The following FBXO41 variants were observed in gnomAD, a reference collection of about 807,000 sequenced individuals.
The protein encoded by FBXO41 is F-box protein 41.
FBXO41 carries 33 observed loss-of-function variants against 81.6 expected under a neutral mutation model. That is an observed-to-expected ratio of 0.40 (90% CI 0.31 to 0.54). The LOEUF (loss-of-function observed/expected upper bound fraction) is 0.54. Ranked by LOEUF, FBXO41 falls within the 20% of genes least tolerant of loss-of-function variation. FBXO41 has a pLI of 0.39. For synonymous variants in FBXO41, 576 were observed against 552.7 expected (o/e 1.04, Z -0.59); for missense variants, 1,107 against 1,236.0 (o/e 0.90, Z 1.56).
Position 73,260,292 on chromosome 2 carries a change from T to G in FBXO41, c.2449+97A>C, listed in dbSNP as rs1223340417. 1 of 1,467,880 alleles carries G rather than the reference T, an allele frequency of 6.8e-7. No homozygotes were observed. The highest frequency in any genetic ancestry group is 1.3e-5 in the South Asian group (1 of 75,034). 90.9% of individuals were successfully genotyped at this position (1,467,880 alleles called of 1,614,324 possible). On this transcript the variant is annotated intron_variant, in intron 11 of 12. Coordinates refer to ENST00000520530, the MANE Select transcript of FBXO41 (RefSeq NM_001371389.2). This position sits in a 1 kb window ranked among gnomAD's most constrained non-coding sequence, Gnocchi z 5.0. ...CCTGCCTCTGCCCTTGGCTGGAGAC[T>G]CTGATCCATCTGCCCCAGTGATAGT...
chr2:73,263,831 C>G lies in FBXO41; in HGVS notation c.1923-1G>C. On this transcript the variant is annotated splice_acceptor_variant, in intron 7 of 12. Transcript: ENST00000520530. LOFTEE classifies it high-confidence loss of function. ...CTCCAGCCCAGCTTCCAGGCAGCCCCTGGGGATGACCAAGAGGTCAGAGAG... is the reference window on the plus strand; with the variant it reads ...CTCCAGCCCAGCTTCCAGGCAGCCCGTGGGGATGACCAAGAGGTCAGAGAG... 6.2e-7 allele frequency: 1 copy of G among 1,614,048 alleles called. No individual in the cohort carries two copies. Among genetic ancestry groups the G allele is most frequent in the Non-Finnish European group, 8.5e-7 (1 of 1,179,888 alleles).
rs1404694271 is a variant in FBXO41, at chr2:73,265,498, C to A, written c.1348G>T (p.Gly450Cys). 3 of 1,597,620 alleles carry A rather than the reference C, an allele frequency of 1.9e-6. No individual in the cohort carries two copies. Among genetic ancestry groups the A allele is most frequent in the Non-Finnish European group, 1.7e-6 (2 of 1,175,204 alleles). Residue 450 changes from glycine (G) to cysteine (C), a missense_variant, in exon 5 of 13, where the codon GGC becomes TGC. Gly to Cys is a radical substitution (Grantham distance 159). This residue lies in a region of FBXO41 where 771 missense variants were observed against 789.2 expected (regional missense o/e 0.98). Coordinates refer to ENST00000520530, the MANE Select transcript of FBXO41 (RefSeq NM_001371389.2). Reference sequence around the variant, plus strand: ...CGAGGGGGCTGGGACCGCTCTGAGCCCCCGTTGGCAGCCTGGGCCCGTGTG... The same window carrying A: ...CGAGGGGGCTGGGACCGCTCTGAGCACCCGTTGGCAGCCTGGGCCCGTGTG... ...LGTRAQAANGGSERSQPPRSS... is the reference protein window; with the variant it reads ...LGTRAQAANGCSERSQPPRSS...
At chr2:73,280,466 G>A (rs1688814683) in intron 1 of FBXO41, among the ~76,000 whole-genome samples, 1 of 152,200 alleles carries the variant, frequency 6.6e-6, no homozygotes, top group Non-Finnish European at 1.5e-5. Context: ...CCTCAAGACT[G>A]GCTGGAATCT....
chr2:73,260,701 T>C lies in FBXO41; in HGVS notation c.2290+39A>G. On this transcript the variant is annotated intron_variant, in intron 10 of 12. Transcript: ENST00000520530. This position sits in a 1 kb window ranked among gnomAD's most constrained non-coding sequence, Gnocchi z 5.0. ...AAGGCAGCACTGCACCCATGCCTGCTTCCCACTACCCACCACCCCAGTCCA... is the reference window on the plus strand; with the variant it reads ...AAGGCAGCACTGCACCCATGCCTGCCTCCCACTACCCACCACCCCAGTCCA... 2 of 1,517,642 alleles carry C rather than the reference T, an allele frequency of 1.3e-6. No homozygotes were observed. The highest frequency in any genetic ancestry group is 1.8e-6 in the Non-Finnish European group (2 of 1,124,236). The allele number at this position is 1,517,642 out of a possible 1,614,324, so 94.0% of individuals were successfully genotyped here.
At chr2:73,268,040 A>G (rs958033086) in intron 2 of FBXO41, among the ~76,000 whole-genome samples, 1 of 152,220 alleles carries the variant, frequency 6.6e-6, no homozygotes, top group Non-Finnish European at 1.5e-5. Context: ...AATGAAGAAG[A>G]TTGAGACAGA....
intron 1 of FBXO41, among the ~76,000 whole-genome samples, chr2:73,283,318 C>CGAAGACCCTCAGGGGT (rs1461400361): frequency 2.0e-5 from 3 of 152,196 alleles, no homozygotes; most frequent in Non-Finnish European, 4.4e-5. Flanking sequence ...TCCAGCCTGG[C>CGAAGACCCTCAGGGGT]GAAGACCCTC....
chr2:73,265,530 C>A lies in FBXO41; in HGVS notation c.1316G>T (p.Gly439Val), dbSNP rs1373704950. The A allele has an allele frequency of 1.3e-6, 2 of 1,594,798 alleles. No homozygotes were observed. Among genetic ancestry groups the A allele is most frequent in the East Asian group, 2.3e-5 (1 of 44,440 alleles). ...GGCAGCCTGGGCCCGTGTGCCCAAG[C>A]CCCCAGGGCCACTGTCCTCAGGGGC... ...EGAPEDSGPG[G>V]LGTRAQAANG... is the part of the protein sequence containing the mutation. The change falls in exon 5 of 13, where the codon GGC (glycine) becomes GTC (valine). Residue 439 changes from glycine (G) to valine (V), a missense_variant. Gly to Val is a moderately radical substitution (Grantham distance 109, BLOSUM62 -3). Around this residue, in one of 2 missense-constraint regions of FBXO41, gnomAD observed 771 missense variants for 789.2 expected, o/e 0.98. Transcript: ENST00000520530.
Position 73,259,289 on chromosome 2 carries a change from G to A in FBXO41, c.2457C>T (p.Cys819=). The A allele has an allele frequency of 3.1e-6, 5 of 1,613,984 alleles. No homozygotes were observed. The highest frequency in any genetic ancestry group is 4.2e-6 in the Non-Finnish European group (5 of 1,179,866). The change falls in exon 12 of 13, where the codon TGC becomes TGT. Residue 819 remains cysteine (C), a synonymous_variant. Transcript: ENST00000520530. This position sits in a 1 kb window ranked among gnomAD's most constrained non-coding sequence, Gnocchi z 4.2. ...GGACCACAATGGACTTGAGGTTCCG[G>A]CAGATGCCTGAGAAAAGGTGAGCAA... ...PKALLHFNSI[C]RNLKSIVVQI... is the part of the protein sequence containing the mutation.
chr2:73,268,136 A>C (rs750419419), intron 2 of FBXO41, among the ~76,000 whole-genome samples: 96 of 152,216 alleles, frequency 6.3e-4, no homozygotes, highest in Non-Finnish European at 1.2e-3. Context: ...CAATGGGCCA[A>C]GTAAGACGAT....
chr2:73,259,052 C>T lies in FBXO41; in HGVS notation c.2566-8G>A, dbSNP rs779986017. On this transcript the variant is annotated splice_polypyrimidine_tract_variant and splice_region_variant and intron_variant, in intron 12 of 12. Transcript: ENST00000520530. The surrounding 1 kb of genome is among the most constrained non-coding windows in gnomAD (Gnocchi z 4.2). ...GGGCCTCCGTCGCAGAGCCTGCGGA[C>T]CGAACCCTGGGTTAGTTCTCCCTCC... 5 of 1,604,598 alleles carry T rather than the reference C, an allele frequency of 3.1e-6. No homozygotes were observed. In the South Asian group the frequency reaches 5.6e-5, roughly 18 times the overall value.
chr2:73,273,077 AG>A (rs1334260360), intron 1 of FBXO41: 1 of 152,100 alleles, frequency 6.6e-6, no homozygotes, highest in Non-Finnish European at 1.5e-5. Context: ...TTCAACTAGG[AG>A]GGTTTTTCTT....
At chr2:73,271,631 C>CA (rs916269141) in intron 1 of FBXO41, 1 of 147,498 alleles carries the variant, frequency 6.8e-6, no homozygotes, top group African/African-American at 2.5e-5. Flanking sequence ...ACTCCCCCCC[C>CA]CCCAACTTCT....
Position 73,259,277 on chromosome 2 carries a change from C to A in FBXO41, c.2469G>T (p.Lys823Asn). Residue 823 changes from lysine (K) to asparagine (N), a missense_variant, in exon 12 of 13, where the codon AAG becomes AAT. Lys to Asn is a moderately conservative substitution (Grantham distance 94). Transcript: ENST00000520530. The surrounding 1 kb of genome is among the most constrained non-coding windows in gnomAD (Gnocchi z 4.2). ...CAATCCCAATCTGGACCACAATGGA[C>A]TTGAGGTTCCGGCAGATGCCTGAGA... ...LHFNSICRNL[K>N]SIVVQIGIAD... 1 of 1,614,046 alleles carries A rather than the reference C, an allele frequency of 6.2e-7. No individual in the cohort carries two copies. Among genetic ancestry groups the A allele is most frequent in the South Asian group, 1.1e-5 (1 of 91,088 alleles).
In FBXO41 at chr2:73,260,710, C is replaced by T. The variant is rs1488760231; in HGVS notation, c.2290+30G>A. Reference sequence around the variant, plus strand: ...CTGCACCCATGCCTGCTTCCCACTACCCACCACCCCAGTCCAAGGAAAGAC... The same window carrying T: ...CTGCACCCATGCCTGCTTCCCACTATCCACCACCCCAGTCCAAGGAAAGAC... On this transcript the variant is annotated intron_variant, in intron 10 of 12. Coordinates refer to ENST00000520530, the MANE Select transcript of FBXO41 (RefSeq NM_001371389.2). The surrounding 1 kb of genome is among the most constrained non-coding windows in gnomAD (Gnocchi z 5.0). 1.8e-5 allele frequency: 27 copies of T among 1,522,166 alleles called. No homozygotes were observed. Among genetic ancestry groups the T allele is most frequent in the Non-Finnish European group, 2.1e-5 (24 of 1,127,152 alleles). The allele number at this position is 1,522,166 out of a possible 1,614,324, so 94.3% of individuals were successfully genotyped here.
In FBXO41 at chr2:73,266,684, T is replaced by C; in HGVS notation, c.906-2A>G. 1 of 1,575,754 alleles carries C rather than the reference T, an allele frequency of 6.3e-7. No individual in the cohort carries two copies. Among genetic ancestry groups the C allele is most frequent in the Non-Finnish European group, 8.6e-7 (1 of 1,161,526 alleles). ...AACTGGTCGATCTGCACCACCTCCC[T>C]GGGCCCAGAGCAGTCTCTTACCCCA... On this transcript the variant is annotated splice_acceptor_variant, in intron 2 of 12. Transcript: ENST00000520530. LOFTEE classifies it high-confidence loss of function. This position sits in a 1 kb window ranked among gnomAD's most constrained non-coding sequence, Gnocchi z 5.3.
chr2:73,263,387 G>A lies in FBXO41; in HGVS notation c.2076-79C>T, dbSNP rs1688090226. On this transcript the variant is annotated intron_variant, in intron 8 of 12. Coordinates refer to ENST00000520530, the MANE Select transcript of FBXO41 (RefSeq NM_001371389.2). The stretch of plus-strand genomic sequence containing the variant: ...CCCAACACTTTGGGAGGTCAAGGCC[G>A]AGGTTGGGGATCGCCTGAGCCCAGG... 14 of 1,136,914 alleles carry A rather than the reference G, an allele frequency of 1.2e-5. 1 individual carries two copies. The highest frequency in any genetic ancestry group is 8.0e-5 in the East Asian group (3 of 37,560). The allele number at this position is 1,136,914 out of a possible 1,614,324, so 70.4% of individuals were successfully genotyped here.
rs753074483 is a variant in FBXO41 at position 73,266,618 on chromosome 2, G to A, written c.970C>T (p.Arg324Trp). 1.9e-6 allele frequency: 3 copies of A among 1,609,642 alleles called. No individual in the cohort carries two copies. The highest frequency in any genetic ancestry group is 2.2e-5 in the East Asian group (1 of 44,778). ...AGCTCCTCAATGAACTGCTGCAGCC[G>A]CAGCTTGGCGCTGGCCTCCCGCGCC... ...TAAREASAKLRLQQFIEELLE... is the reference protein window; with the variant it reads ...TAAREASAKLWLQQFIEELLE... Residue 324 changes from arginine to tryptophan, a missense_variant, in exon 3 of 13, where the codon CGG (arginine) becomes TGG (tryptophan). Physicochemically the swap from Arg to Trp is moderately radical, Grantham distance 101. This residue lies in a region of FBXO41 where 771 missense variants were observed against 789.2 expected (regional missense o/e 0.98). Coordinates refer to ENST00000520530, the MANE Select transcript of FBXO41 (RefSeq NM_001371389.2). The surrounding 1 kb of genome is among the most constrained non-coding windows in gnomAD (Gnocchi z 5.3).
chr2:73,255,166 C>A lies in FBXO41; in HGVS notation c.*3816G>T, dbSNP rs557795859. The A allele has an allele frequency of 4.6e-5, 7 of 152,828 alleles. No individual in the cohort carries two copies. The highest frequency in any genetic ancestry group is 1.7e-4 in the African/African-American group (7 of 41,598). 9.5% of individuals were successfully genotyped at this position (152,828 alleles called of 1,614,324 possible). A position where few individuals can be genotyped will look rare whatever the true frequency, so the allele number is the denominator to read the frequency against. On this transcript the variant is annotated 3_prime_UTR_variant, in exon 13 of 13. Transcript: ENST00000520530. ...AGAGCTGAGGCTGGCAAGCCCAAGGCCAAGCCTCCCTTGGGCCATGCTGGC... is the reference window on the plus strand; with the variant it reads ...AGAGCTGAGGCTGGCAAGCCCAAGGACAAGCCTCCCTTGGGCCATGCTGGC...
chr2:73,266,687 GC>G lies in FBXO41; in HGVS notation c.906-6del. 1 of 1,564,678 alleles carries G rather than the reference GC, an allele frequency of 6.4e-7. No individual in the cohort carries two copies. ...TGGTCGATCTGCACCACCTCCCTGG[GC>G]CCAGAGCAGTCTCTTACCCCAGAGC... On this transcript the variant is annotated splice_region_variant and splice_polypyrimidine_tract_variant and intron_variant, in intron 2 of 12. Transcript: ENST00000520530. This position sits in a 1 kb window ranked among gnomAD's most constrained non-coding sequence, Gnocchi z 5.3.
Sources: gnomAD v4.1 joint callset for allele counts (sites outside exome capture counted in the v4.1 genomes callset) on GRCh38, gnomAD v4.1.1 for gene constraint, gnomAD v4.1.1 regional missense constraint, Gnocchi (gnomAD v3.1) non-coding constraint, MANE v1.5 for transcripts, NCBI Gene and HGNC (gene_info 2026-07-23, HGNC 2026-07-21) for gene names.